STT3B: variants seen among roughly 807,000 people sequenced by gnomAD.
STT3B encodes dolichyl-diphosphooligosaccharide--protein glycosyltransferase subunit STT3B.
A neutral mutation model predicts 96.8 loss-of-function variants in STT3B; 29 were observed. The observed-to-expected ratio is 0.30, with a 90% confidence interval of 0.22 to 0.41. STT3B has a LOEUF of 0.41. Among genes scored for constraint, STT3B ranks in the 10% least tolerant of loss-of-function variants. The pLI, the probability that STT3B is intolerant of heterozygous loss-of-function variation, is 1.00. For missense variants in STT3B, 640 were observed against 1,022.3 expected (o/e 0.63, Z 5.10); for synonymous variants, 367 against 360.0 (o/e 1.02, Z -0.22).
chr3:31,571,446 C>T (rs1179022519), intron 1 of STT3B, among the ~76,000 whole-genome samples: 1 of 152,104 alleles, frequency 6.6e-6, no homozygotes, highest in Non-Finnish European at 1.5e-5. Flanking sequence ...ACATTCACAA[C>T]CCTTGCACAA....
chr3:31,562,991 G>C (rs1408917898), intron 1 of STT3B, among the ~76,000 whole-genome samples: 1 of 152,124 alleles, frequency 6.6e-6, no homozygotes, highest in Non-Finnish European at 1.5e-5. Flanking sequence ...AGGATTTTAG[G>C]AGTCCTAGTG....
intron 1 of STT3B, among the ~76,000 whole-genome samples, chr3:31,563,091 A>G (rs1247522370): frequency 6.6e-6 from 1 of 152,162 alleles, no homozygotes; most frequent in African/African-American, 2.4e-5. Flanking sequence ...CCAGCCGAAC[A>G]GGCTTGTTTC....
intron 14 of STT3B, among the ~76,000 whole-genome samples, chr3:31,631,134 T>C (rs1026324436): frequency 9.9e-5 from 15 of 152,194 alleles, no homozygotes; most frequent in Admixed American, 3.3e-4. Context: ...TTGTGGCTAA[T>C]ATGGACTAGA....
rs565741007 is a variant in STT3B at position 31,602,877 on chromosome 3, C to T, written c.877+2418C>T. On this transcript the variant is annotated intron_variant, in intron 5 of 15. Coordinates refer to ENST00000295770, the MANE Select transcript of STT3B (RefSeq NM_178862.3). ...CAGGAGTATTTTGATGATTTCTAGT[C>T]TGCTTTCTTAGGGTTTACTTCTAAA... Among the ~76,000 whole-genome samples, 3 of 152,068 alleles carry T rather than the reference C, an allele frequency of 2.0e-5. No homozygotes were observed. The East Asian group carries it at 5.8e-4, about 29-fold the overall frequency.
intron 3 of STT3B, among the ~76,000 whole-genome samples, chr3:31,585,132 A>C (rs1254035818): frequency 6.6e-6 from 1 of 152,124 alleles, no homozygotes; most frequent in African/African-American, 2.4e-5. Context: ...TAGCATTATT[A>C]TTTGTTGATG....
Position 31,550,798 on chromosome 3 carries a change from A to AT in STT3B, c.314+17496dup, listed in dbSNP as rs201644397. On this transcript the variant is annotated intron_variant, in intron 1 of 15. Transcript: ENST00000295770. ...GTTTTTTTCGTTCTATTGAAGGGGG[A>AT]TTTTTTTTTTCCATGTGTTACTTTT... Among the ~76,000 whole-genome samples the AT allele has an allele frequency of 6.5e-3, 956 of 147,648 alleles. 9 individuals carry two copies. Among genetic ancestry groups the AT allele is most frequent in the African/African-American group, 0.02 (804 of 40,120 alleles).
intron 5 of STT3B, among the ~76,000 whole-genome samples, chr3:31,609,214 T>C (rs1013451717): frequency 2.0e-5 from 3 of 152,192 alleles, no homozygotes; most frequent in African/African-American, 4.8e-5. Context: ...GTTTAAATCT[T>C]TTTTTATTTT....
At chr3:31,591,561 G>A (rs556670920) in intron 3 of STT3B, among the ~76,000 whole-genome samples, 3 of 152,120 alleles carry the variant, frequency 2.0e-5, no homozygotes, top group African/African-American at 4.8e-5. Context: ...TGCAGAGAAC[G>A]AATTATGCAT....
At chr3:31,577,297 C>T (rs956997206) in intron 2 of STT3B, among the ~76,000 whole-genome samples, 1 of 151,792 alleles carries the variant, frequency 6.6e-6, no homozygotes, top group African/African-American at 2.4e-5. Flanking sequence ...AACTTTTCTT[C>T]ATTATTAAGA....
chr3:31,579,898 G>A lies in STT3B; in HGVS notation c.513G>A (p.Val171=), dbSNP rs781375977. ...CTGTTCACATAAGAGACGTATGTGT[G>A]TTCCTTGCACCAACTTTTAGCGGCC... The part of the protein sequence containing the change: ...NITVHIRDVC[V]FLAPTFSGLT... Residue 171 remains valine, a synonymous_variant, in exon 3 of 16, where the codon GTG becomes GTA. Transcript: ENST00000295770. The A allele has an allele frequency of 6.2e-7, 1 of 1,613,810 alleles. No homozygotes were observed. The highest frequency in any genetic ancestry group is 8.5e-7 in the Non-Finnish European group (1 of 1,179,772).
intron 14 of STT3B, 99 bp from the exon 15 acceptor site, chr3:31,632,836 A>T: frequency 2.9e-6 from 3 of 1,023,588 alleles, no homozygotes; most frequent in Non-Finnish European, 4.4e-6. Flanking sequence ...TTCCTAGTTT[A>T]AAGGGAGAAG....
chr3:31,593,839 T>C (rs995499718), intron 3 of STT3B, among the ~76,000 whole-genome samples: 7 of 152,214 alleles, frequency 4.6e-5, no homozygotes, highest in African/African-American at 9.6e-5. Context: ...CTTGAACATA[T>C]AACAGCTGTT....
chr3:31,548,594 A>G (rs938333313), intron 1 of STT3B, among the ~76,000 whole-genome samples: 31 of 152,202 alleles, frequency 2.0e-4, no homozygotes, highest in African/African-American at 6.3e-4. Context: ...AAGCTTCCCT[A>G]TAGTTCAGTA....
chr3:31,578,640 G>A (rs1339560532), intron 2 of STT3B, among the ~76,000 whole-genome samples: 2 of 151,622 alleles, frequency 1.3e-5, no homozygotes, highest in African/African-American at 2.4e-5. Flanking sequence ...GAATTTTTAT[G>A]TGTTGAGAAT....
chr3:31,566,701 A>G (rs755683176), intron 1 of STT3B, among the ~76,000 whole-genome samples: 1 of 152,190 alleles, frequency 6.6e-6, no homozygotes, highest in Non-Finnish European at 1.5e-5. Flanking sequence ...CCCTGCTTAC[A>G]GCAATCTCTA....
chr3:31,633,074 A>G lies in STT3B; in HGVS notation c.2327A>G (p.Asp776Gly). Reference protein sequence around the residue: ...LVRIYKVKAPDNRETLDHKPR... With the variant: ...LVRIYKVKAPGNRETLDHKPR... ...AGGATATATAAAGTAAAAGCACCTG[A>G]TAACAGGGAGACATTAGATCACAAA... The change falls in exon 15 of 16, where the codon GAT becomes GGT. Residue 776 changes from aspartate to glycine, a missense_variant. Coordinates refer to ENST00000295770, the MANE Select transcript of STT3B (RefSeq NM_178862.3). The G allele has an allele frequency of 6.2e-7, 1 of 1,614,122 alleles. No individual in the cohort carries two copies. The highest frequency in any genetic ancestry group is 8.5e-7 in the Non-Finnish European group (1 of 1,179,978).
intron 1 of STT3B, among the ~76,000 whole-genome samples, chr3:31,574,271 A>C (rs1383975945): frequency 6.6e-6 from 1 of 152,120 alleles, no homozygotes; most frequent in East Asian, 1.9e-4. Context: ...TTATGAGCTT[A>C]TCTGGGTAGA....
chr3:31,621,410 CACTT>C (rs1255492807), intron 9 of STT3B, among the ~76,000 whole-genome samples: 2 of 152,108 alleles, frequency 1.3e-5, no homozygotes, highest in East Asian at 1.9e-4. Context: ...TTGAGATACA[CACTT>C]AAGAATATGA....
chr3:31,600,344 A>G lies in STT3B; in HGVS notation c.778-16A>G, dbSNP rs1339619395. The G allele has an allele frequency of 8.5e-7, 1 of 1,179,654 alleles. No individual in the cohort carries two copies. The highest frequency in any genetic ancestry group is 2.4e-5 in the East Asian group (1 of 41,808). 73.1% of individuals were successfully genotyped at this position (1,179,654 alleles called of 1,614,324 possible). A position where few individuals can be genotyped will look rare whatever the true frequency, so the allele number is the denominator to read the frequency against. ...AGTAAAAATATATATTTAACTTAGC[A>G]CTTCTTTTCCTATAGGTCTCTGCTT... On this transcript the variant is annotated splice_polypyrimidine_tract_variant and intron_variant, in intron 4 of 15. Coordinates refer to ENST00000295770, the MANE Select transcript of STT3B (RefSeq NM_178862.3).
Sources: gnomAD v4.1 joint callset for allele counts (sites outside exome capture counted in the v4.1 genomes callset) on GRCh38, gnomAD v4.1.1 for gene constraint, MANE v1.5 for transcripts, NCBI Gene and HGNC (gene_info 2026-07-23, HGNC 2026-07-21) for gene names.